STK33: variants seen among roughly 807,000 people sequenced by gnomAD.
The protein encoded by STK33 is serine/threonine-protein kinase 33.
In STK33, 52 loss-of-function variants were observed where a neutral mutation model predicts 58.0. That is an observed-to-expected ratio of 0.90 (90% CI 0.72 to 1.13). The LOEUF is 1.13. STK33 is among the 50% of genes most tolerant of loss of function. The pLI, the probability that STK33 is intolerant of heterozygous loss-of-function variation, is 0.00. For synonymous variants in STK33, 215 were observed against 200.1 expected, an observed-to-expected ratio of 1.07 and a Z score of -0.63; for missense variants, 630 against 604.2, an observed-to-expected ratio of 1.04 and a Z score of -0.45.
At chr11:8,368,325 A>G in the STK33 span, among the ~76,000 whole-genome samples, 173 of 152,216 alleles carry the variant, frequency 1.1e-3, 1 homozygote, top group African/African-American at 3.0e-3. Context: ...AAAACAAGAT[A>G]CCTGAAAGCT....
chr11:8,589,057 A>G (rs1010764590), intron 1 of STK33, among the ~76,000 whole-genome samples: 3 of 152,206 alleles, frequency 2.0e-5, no homozygotes, highest in African/African-American at 4.8e-5. Context: ...ATGCTCATAC[A>G]TTGCCGTTGG....
chr11:8,396,113 T>C (rs928945827), intron 15 of STK33, among the ~76,000 whole-genome samples: 3 of 151,254 alleles, frequency 2.0e-5, no homozygotes, highest in African/African-American at 7.4e-5. Context: ...AATATATATA[T>C]ATTTTTTGAG....
intron 6 of STK33, among the ~76,000 whole-genome samples, chr11:8,470,141 T>C (rs890818913): frequency 2.0e-5 from 3 of 152,264 alleles, no homozygotes; most frequent in South Asian, 2.1e-4. Flanking sequence ...ATGAAAGGAT[T>C]AGTTAGCATC....
At chr11:8,367,871 TCACA>T in the STK33 span, among the ~76,000 whole-genome samples, 2 of 151,950 alleles carry the variant, frequency 1.3e-5, no homozygotes, top group Non-Finnish European at 2.9e-5. Flanking sequence ...GACACACTCA[TCACA>T]CACACACACG....
At position 8,474,902 on chromosome 11, in the gene STK33, C is replaced by T. The variant is rs1949125668; in HGVS notation, c.4G>A (p.Ala2Thr). 1 of 1,578,302 alleles carries T rather than the reference C, an allele frequency of 6.3e-7. No individual in the cohort carries two copies. Among genetic ancestry groups the T allele is most frequent in the South Asian group, 1.2e-5 (1 of 84,734 alleles). MADSGLDKKSTK... is the reference protein window; with the variant it reads MTDSGLDKKSTK... Reference sequence around the variant, plus strand: ...GATTTTTTATCTAAGCCACTATCAGCCATTTGTTTAACTCTGCAACAAAAG... The same window carrying T: ...GATTTTTTATCTAAGCCACTATCAGTCATTTGTTTAACTCTGCAACAAAAG... The change falls in exon 5 of 16, where the codon GCT becomes ACT. Residue 2 changes from alanine to threonine, a missense_variant. Coordinates refer to ENST00000687296, the MANE Select transcript of STK33 (RefSeq NM_001352389.2).
chr11:8,498,924 A>T (rs1352103032), intron 1 of STK33, among the ~76,000 whole-genome samples: 2 of 152,194 alleles, frequency 1.3e-5, no homozygotes, highest in African/African-American at 4.8e-5. Context: ...CTTATACAAA[A>T]ATTAACTCAA....
intron 15 of STK33, among the ~76,000 whole-genome samples, chr11:8,413,135 T>C (rs1940560430): frequency 1.3e-5 from 2 of 152,242 alleles, no homozygotes; most frequent in African/African-American, 2.4e-5. Context: ...AATAGTTGAG[T>C]TGGAACATGG....
At chr11:8,366,421 G>A in the STK33 span, among the ~76,000 whole-genome samples, 1 of 152,218 alleles carries the variant, frequency 6.6e-6, no homozygotes, top group African/African-American at 2.4e-5. Flanking sequence ...GGTTAGAGCC[G>A]GAGGGAAAGG....
chr11:8,512,815 T>G (rs568477325), intron 1 of STK33, among the ~76,000 whole-genome samples: 1 of 152,252 alleles, frequency 6.6e-6, no homozygotes, highest in Admixed American at 6.5e-5. Context: ...TGATCAAATT[T>G]TGACCTTGGC....
intron 14 of STK33, among the ~76,000 whole-genome samples, chr11:8,431,500 G>A (rs770856566): frequency 7.2e-5 from 11 of 152,174 alleles, no homozygotes; most frequent in Non-Finnish European, 1.2e-4. Flanking sequence ...ATTACAAAGT[G>A]CTTTTGCAAG....
the STK33 span, among the ~76,000 whole-genome samples, chr11:8,341,566 T>G: frequency 2.0e-5 from 3 of 152,220 alleles, no homozygotes; most frequent in African/African-American, 7.2e-5. Flanking sequence ...AAAGTTTTAC[T>G]CCTACCTAGA....
In STK33 at chr11:8,520,110, A is replaced by C. The variant is rs891176236; in HGVS notation, c.-465-39496T>G. Among the ~76,000 whole-genome samples, 58 of 152,196 alleles carry C rather than the reference A, an allele frequency of 3.8e-4. 1 individual carries two copies. The highest frequency in any genetic ancestry group is 2.1e-3 in the South Asian group (10 of 4,808). On this transcript the variant is annotated intron_variant, in intron 1 of 15. Transcript: ENST00000687296. ...AAATCCTCAATAAAATACTGGCAAAACGAATCCAGCAGCACATCAAAAAGC... is the reference window on the plus strand; with the variant it reads ...AAATCCTCAATAAAATACTGGCAAACCGAATCCAGCAGCACATCAAAAAGC...
chr11:8,389,117 T>C (rs866426111), downstream of STK33, among the ~76,000 whole-genome samples: 4 of 152,166 alleles, frequency 2.6e-5, no homozygotes, highest in South Asian at 2.1e-4. Flanking sequence ...ACAGAGACTG[T>C]TCATAAAGGC....
intron 6 of STK33, among the ~76,000 whole-genome samples, chr11:8,471,128 C>T (rs1383491326): frequency 6.6e-6 from 1 of 152,084 alleles, no homozygotes; most frequent in Non-Finnish European, 1.5e-5. Flanking sequence ...GGTCATTTAC[C>T]CTTTTCTCAT....
At chr11:8,546,054 A>C (rs1443898560) in intron 1 of STK33, among the ~76,000 whole-genome samples, 1 of 152,220 alleles carries the variant, frequency 6.6e-6, no homozygotes, top group African/African-American at 2.4e-5. Context: ...CTAAACATAG[A>C]AAAGGTATAG....
the STK33 span, among the ~76,000 whole-genome samples, chr11:8,335,838 A>G: frequency 1.3e-5 from 2 of 152,218 alleles, no homozygotes; most frequent in Admixed American, 1.3e-4. Flanking sequence ...ACAGAAATCT[A>G]GCGTGTATTT....
At chr11:8,401,272 T>G (rs1335265233) in intron 15 of STK33, among the ~76,000 whole-genome samples, 2 of 152,018 alleles carry the variant, frequency 1.3e-5, no homozygotes, top group African/African-American at 2.4e-5. Context: ...AAAACAGAGA[T>G]ATAGACCAAT....
At chr11:8,449,404 C>T (rs1044568382) in intron 11 of STK33, among the ~76,000 whole-genome samples, 1 of 151,574 alleles carries the variant, frequency 6.6e-6, no homozygotes, top group African/African-American at 2.4e-5. Flanking sequence ...CAATGATCAA[C>T]TGGATTAAGA....
chr11:8,464,298 C>T (rs909245647), intron 7 of STK33, among the ~76,000 whole-genome samples: 28 of 151,806 alleles, frequency 1.8e-4, no homozygotes, highest in African/African-American at 6.1e-4. Flanking sequence ...ACAGAATTAG[C>T]GAACAGTGAG....
Sources: gnomAD v4.1 joint callset for allele counts (sites outside exome capture counted in the v4.1 genomes callset) on GRCh38, gnomAD v4.1.1 for gene constraint, MANE v1.5 for transcripts, NCBI Gene and HGNC (gene_info 2026-07-23, HGNC 2026-07-21) for gene names.